NFATC2: variants seen among roughly 807,000 people sequenced by gnomAD.
NFATC2 encodes the protein nuclear factor of activated T cells 2.
In NFATC2, 22 loss-of-function variants were observed where a neutral mutation model predicts 87.3. The observed-to-expected ratio is 0.25, with a 90% CI of 0.18 to 0.36. NFATC2 has a LOEUF of 0.36. NFATC2 is among the 10% of genes least tolerant of loss of function. The pLI, the probability that NFATC2 is intolerant of heterozygous loss-of-function variation, is 1.00. For missense variants in NFATC2, 1,149 were observed against 1,259.1 expected (o/e 0.91, Z 1.32); for synonymous variants, 565 against 542.2 (o/e 1.04, Z -0.58).
At position 51,542,563 on chromosome 20, in the gene NFATC2, C is replaced by T. The variant is rs1195965488; in HGVS notation, c.-64G>A. 7.7e-7 allele frequency: 1 copy of T among 1,299,308 alleles called. No individual in the cohort carries two copies. Among genetic ancestry groups the T allele is most frequent in the Non-Finnish European group, 9.8e-7 (1 of 1,022,516 alleles). The allele number at this position is 1,299,308 out of a possible 1,614,324, so 80.5% of individuals were successfully genotyped here. A position where few individuals can be genotyped will look rare whatever the true frequency, so the allele number is the denominator to read the frequency against. On this transcript the variant is annotated 5_prime_UTR_variant, in exon 1 of 11. Transcript: ENST00000371564. ...GGCGGGCGCGGCTGGCTCTGGGACCCCTCGCAGTGGGGCTGGCGGAGGCGG... is the reference window on the plus strand; with the variant it reads ...GGCGGGCGCGGCTGGCTCTGGGACCTCTCGCAGTGGGGCTGGCGGAGGCGG...
chr20:51,516,483 G>T (rs1162074498), intron 3 of NFATC2, among the ~76,000 whole-genome samples: 1 of 152,078 alleles, frequency 6.6e-6, no homozygotes, highest in African/African-American at 2.4e-5. Context: ...GAAACCTTCT[G>T]TCAACACACA....
chr20:51,452,979 C>A (rs551058383), intron 6 of NFATC2: 33 of 154,890 alleles, frequency 2.1e-4, no homozygotes, highest in South Asian at 1.6e-3. Context: ...CTGCCACCTG[C>A]GTTCTTAATG....
intron 9 of NFATC2, among the ~76,000 whole-genome samples, chr20:51,402,956 G>A (rs1164965941): frequency 6.6e-6 from 1 of 151,950 alleles, no homozygotes; most frequent in Non-Finnish European, 1.5e-5. Flanking sequence ...TCTCCATCTC[G>A]CCCTCCCATA....
rs574022766 is a variant in NFATC2 at position 51,423,762 on chromosome 20, G to C, written c.2722+8305C>G. On this transcript the variant is annotated intron_variant, in intron 9 of 10. Transcript: ENST00000371564. ...CACTTGGTCCTCTTTTTTAGGAGCT[G>C]TCTGCTTTTGGTAGGAAAGATGCTG... Among the ~76,000 whole-genome samples, 18 of 152,312 alleles carry C rather than the reference G, an allele frequency of 1.2e-4. No individual in the cohort carries two copies. In the South Asian group the frequency reaches 3.5e-3, roughly 30 times the overall value.
intron 1 of NFATC2, among the ~76,000 whole-genome samples, chr20:51,559,701 G>A (rs1428132489): frequency 1.3e-5 from 2 of 152,188 alleles, no homozygotes; most frequent in Admixed American, 6.5e-5. Flanking sequence ...ATTTATGTTT[G>A]CCGTCACCAT....
chr20:51,464,957 C>G (rs1987528535), intron 5 of NFATC2, among the ~76,000 whole-genome samples: 1 of 152,206 alleles, frequency 6.6e-6, no homozygotes, highest in African/African-American at 2.4e-5. Flanking sequence ...ACTTGACACA[C>G]AGCAGATGAT....
At chr20:51,522,203 T>G (rs926631831) in intron 2 of NFATC2, among the ~76,000 whole-genome samples, 2 of 132,162 alleles carry the variant, frequency 1.5e-5, no homozygotes, top group Non-Finnish European at 3.1e-5. Context: ...ATCCATTTTT[T>G]AAAAAAACAC....
At chr20:51,455,917 T>A in intron 5 of NFATC2, among the ~76,000 whole-genome samples, 1 of 28,874 alleles carries the variant, frequency 3.5e-5, no homozygotes, top group Non-Finnish European at 6.8e-5. Flanking sequence ...GGTGGGTGGG[T>A]GGGTGGATGG....
chr20:51,461,113 G>A (rs188436048), intron 5 of NFATC2, among the ~76,000 whole-genome samples: 20 of 152,278 alleles, frequency 1.3e-4, no homozygotes, highest in East Asian at 9.7e-4. Flanking sequence ...TGAAGCCAGC[G>A]CACAGCAGCC....
At chr20:51,408,239 T>C (rs6067759) in intron 9 of NFATC2, among the ~76,000 whole-genome samples, 13,222 of 151,942 alleles carry the variant, frequency 0.087, 685 homozygotes, top group East Asian at 0.27. Context: ...ACTGGCCAGG[T>C]GTGGTGGCTC....
chr20:51,520,647 T>TTTA (rs907427593), intron 2 of NFATC2, among the ~76,000 whole-genome samples: 1 of 150,874 alleles, frequency 6.6e-6, no homozygotes, highest in African/African-American at 2.4e-5. Context: ...TTTATTTTTA[T>TTTA]TTATTATTAT....
intron 6 of NFATC2, among the ~76,000 whole-genome samples, chr20:51,443,659 T>C (rs1389304842): frequency 6.6e-6 from 1 of 152,138 alleles, no homozygotes; most frequent in Non-Finnish European, 1.5e-5. Context: ...ACCTTGGGTC[T>C]GGGACTCTGG....
At chr20:51,496,317 G>A (rs1284751479) in intron 3 of NFATC2, among the ~76,000 whole-genome samples, 4 of 152,204 alleles carry the variant, frequency 2.6e-5, no homozygotes, top group African/African-American at 9.6e-5. Context: ...AGCCCTGAGC[G>A]TGTCAAATGC....
Position 51,475,469 on chromosome 20 carries a change from G to A in NFATC2, c.1524C>T (p.Asn508=). The change falls in exon 4 of 11, where the codon AAC becomes AAT. Residue 508 remains asparagine (N), a synonymous_variant. Coordinates refer to ENST00000371564, the MANE Select transcript of NFATC2 (RefSeq NM_012340.5). The part of the protein sequence containing the change: ...VLEIPLEPKN[N]MRATIDCAGI... ...CTCCCAGCCCTTACGTTGCCCTCAT[G>A]TTGTTTTTGGGCTCCAAGGGTATCT... The A allele has an allele frequency of 1.2e-6, 2 of 1,613,832 alleles. No individual in the cohort carries two copies. Among genetic ancestry groups the A allele is most frequent in the Non-Finnish European group, 1.7e-6 (2 of 1,180,016 alleles).
intron 1 of NFATC2, among the ~76,000 whole-genome samples, chr20:51,532,430 C>T (rs2076649002): frequency 6.6e-6 from 1 of 152,290 alleles, no homozygotes; most frequent in South Asian, 2.1e-4. Flanking sequence ...GAAAAGAAAT[C>T]ACTCTGGGGG....
intron 3 of NFATC2, among the ~76,000 whole-genome samples, chr20:51,497,497 C>T (rs1465729435): frequency 6.6e-6 from 1 of 152,172 alleles, no homozygotes; most frequent in Non-Finnish European, 1.5e-5. Context: ...TATTACTTGG[C>T]TGAAACCCCC....
chr20:51,467,547 G>A (rs1261933911), intron 5 of NFATC2, among the ~76,000 whole-genome samples: 1 of 124,520 alleles, frequency 8.0e-6, no homozygotes, highest in Non-Finnish European at 1.7e-5. Context: ...AAAAGAGTGA[G>A]ACTCCATCTC....
chr20:51,432,338 G>T lies in NFATC2; in HGVS notation c.2451C>A (p.Asn817Lys). Residue 817 changes from asparagine (N) to lysine (K), a missense_variant, in exon 9 of 11, where the codon AAC (asparagine) becomes AAA (lysine). By Grantham distance (94) the Asn-to-Lys change is moderately conservative. This residue lies in a region of NFATC2 where 581 missense variants were observed against 649.7 expected (regional missense o/e 0.89). Transcript: ENST00000371564. The surrounding 1 kb of genome is among the most constrained non-coding windows in gnomAD (Gnocchi z 4.6). ...ASPVIHYSPT[N>K]QQLRCGSHQE... ...GGTGGCTTCCGCAGCGCAGCTGCTGGTTGGTGGGTGAGTAGTGGATCACAG... is the reference window on the plus strand; with the variant it reads ...GGTGGCTTCCGCAGCGCAGCTGCTGTTTGGTGGGTGAGTAGTGGATCACAG... 2 of 1,614,180 alleles carry T rather than the reference G, an allele frequency of 1.2e-6. No individual in the cohort carries two copies. The highest frequency in any genetic ancestry group is 1.7e-6 in the Non-Finnish European group (2 of 1,180,030).
intron 6 of NFATC2, among the ~76,000 whole-genome samples, chr20:51,444,975 C>A (rs552565706): frequency 6.6e-6 from 1 of 152,232 alleles, no homozygotes; most frequent in South Asian, 2.1e-4. Flanking sequence ...TGGGCTTGCC[C>A]CAACCATCCC....
Sources: gnomAD v4.1 joint callset for allele counts (sites outside exome capture counted in the v4.1 genomes callset) on GRCh38, gnomAD v4.1.1 for gene constraint, gnomAD v4.1.1 regional missense constraint, Gnocchi (gnomAD v3.1) non-coding constraint, MANE v1.5 for transcripts, NCBI Gene and HGNC (gene_info 2026-07-23, HGNC 2026-07-21) for gene names.